Variants in CAP2 observed in about 807,000 individuals in gnomAD.
The protein encoded by CAP2 is cyclase associated actin cytoskeleton regulatory protein 2, also known as adenylyl cyclase-associated protein 2.
Under a neutral mutation model 57.7 loss-of-function variants are expected in CAP2, and 24 were observed. The ratio of observed to expected loss-of-function variants is 0.42; its 90% CI spans 0.30 to 0.58. The LOEUF (loss-of-function observed/expected upper bound fraction) is 0.58, where lower values mean the gene tolerates loss of function less well. Ranked by LOEUF, CAP2 falls within the 20% of genes least tolerant of loss-of-function variation. The probability of loss-of-function intolerance (pLI) is 0.22; values close to 1 mark genes in which losing one functional copy is unlikely to be tolerated. For missense variants in CAP2, 501 were observed against 590.3 expected (o/e 0.85, Z 1.57); for synonymous variants, 194 against 207.2 (o/e 0.94, Z 0.55).
intron 7 of CAP2, among the ~76,000 whole-genome samples, chr6:17,522,724 A>C (rs1295511473): frequency 6.6e-6 from 1 of 152,204 alleles, no homozygotes; most frequent in Non-Finnish European, 1.5e-5. Flanking sequence ...AGATGGTGAA[A>C]TCCTTATGCA....
intron 4 of CAP2, among the ~76,000 whole-genome samples, chr6:17,506,897 G>A (rs1762000740): frequency 6.6e-6 from 1 of 152,122 alleles, no homozygotes; most frequent in African/African-American, 2.4e-5. Flanking sequence ...CAAAATGGGG[G>A]CTGTGCCATA....
intron 4 of CAP2, among the ~76,000 whole-genome samples, chr6:17,502,736 C>A (rs1026020073): frequency 2.0e-5 from 3 of 152,126 alleles, no homozygotes; most frequent in African/African-American, 7.2e-5. Context: ...GGTTCTTTTT[C>A]CCCTTGGGGC....
chr6:17,509,233 AC>A (rs1157603387), intron 6 of CAP2, among the ~76,000 whole-genome samples: 1 of 152,168 alleles, frequency 6.6e-6, no homozygotes, highest in Non-Finnish European at 1.5e-5. Flanking sequence ...AATTTTCATC[AC>A]TTTTTTTGTA....
intron 4 of CAP2, among the ~76,000 whole-genome samples, chr6:17,500,241 T>G (rs1320847712): frequency 6.7e-6 from 1 of 149,380 alleles, no homozygotes; most frequent in African/African-American, 2.5e-5. Context: ...TTAACTCAGT[T>G]GAACATTTCT....
At chr6:17,452,666 A>T (rs1437777667) in intron 3 of CAP2, among the ~76,000 whole-genome samples, 1 of 152,362 alleles carries the variant, frequency 6.6e-6, no homozygotes. Context: ...GTATGTAGTT[A>T]GTATAAGCAT....
At chr6:17,436,026 A>G (rs1392014194) in intron 3 of CAP2, among the ~76,000 whole-genome samples, 1 of 152,202 alleles carries the variant, frequency 6.6e-6, no homozygotes, top group African/African-American at 2.4e-5. Context: ...TCTAAGGTTA[A>G]GATGACTAAA....
At chr6:17,492,254 G>A (rs1761562920) in intron 4 of CAP2, among the ~76,000 whole-genome samples, 1 of 152,122 alleles carries the variant, frequency 6.6e-6, no homozygotes, top group African/African-American at 2.4e-5. Context: ...CAGTGGTGGG[G>A]TGCATGTATT....
intron 8 of CAP2, among the ~76,000 whole-genome samples, chr6:17,540,722 C>G (rs1426303985): frequency 2.0e-5 from 3 of 152,128 alleles, no homozygotes; most frequent in Non-Finnish European, 2.9e-5. Flanking sequence ...CCACTGCACT[C>G]CAGCCTAGGT....
intron 7 of CAP2, chr6:17,531,156 AT>A: frequency 1.3e-6 from 1 of 764,350 alleles, no homozygotes; most frequent in Non-Finnish European, 2.4e-6. Flanking sequence ...CTTCTTACTG[AT>A]TTTGCCATAA....
chr6:17,486,996 A>T (rs1761435439), intron 4 of CAP2, among the ~76,000 whole-genome samples: 1 of 152,216 alleles, frequency 6.6e-6, no homozygotes, highest in Admixed American at 6.5e-5. Context: ...AGGCAGTTGC[A>T]GTTTTAATAG....
chr6:17,519,400 G>C (rs12524148), intron 7 of CAP2, among the ~76,000 whole-genome samples: 3 of 152,008 alleles, frequency 2.0e-5, no homozygotes, highest in Non-Finnish European at 4.4e-5. Flanking sequence ...AATCTGTCTG[G>C]AATGTCTTCT....
Position 17,421,545 on chromosome 6 carries a change from GC to G in CAP2, c.-1-9del. 6.2e-7 allele frequency: 1 copy of G among 1,614,154 alleles called. No homozygotes were observed. ...TCACGCAGCCTCCATTTGTGCCTGTGCTTTTCTAGAATGGCCAACATGCAGG... is the reference window on the plus strand; with the variant it reads ...TCACGCAGCCTCCATTTGTGCCTGTGTTTTCTAGAATGGCCAACATGCAGG... On this transcript the variant is annotated splice_polypyrimidine_tract_variant and intron_variant, in intron 1 of 12. Transcript: ENST00000229922.
intron 4 of CAP2, among the ~76,000 whole-genome samples, chr6:17,480,867 T>C (rs1049456034): frequency 4.0e-5 from 6 of 149,432 alleles, no homozygotes; most frequent in Non-Finnish European, 8.9e-5. Flanking sequence ...CTCCGCCTCC[T>C]GATTTCAAGT....
chr6:17,396,006 T>G (rs776763484), intron 1 of CAP2, among the ~76,000 whole-genome samples: 9 of 152,192 alleles, frequency 5.9e-5, no homozygotes, highest in Non-Finnish European at 1.2e-4. Flanking sequence ...TCTGAATAGC[T>G]ATCTCCAAAG....
chr6:17,421,425 TTAAAAAA>T, intron 1 of CAP2, 123 bp from the exon 2 acceptor site: 2 of 923,160 alleles, frequency 2.2e-6, no homozygotes, highest in Non-Finnish European at 1.7e-6. Flanking sequence ...AATTTCATGG[TTAAAAAA>T]TAAAAATAAA....
intron 4 of CAP2, among the ~76,000 whole-genome samples, chr6:17,479,198 C>CACACACACCTGTACGTGTGTGT (rs1761226631): frequency 6.6e-6 from 1 of 152,164 alleles, no homozygotes; most frequent in African/African-American, 2.4e-5. Flanking sequence ...GTCTGTACCA[C>CACACACACCTGTACGTGTGTGT]ACACACACCT....
intron 2 of CAP2, among the ~76,000 whole-genome samples, chr6:17,422,027 T>C (rs1487367269): frequency 2.6e-5 from 4 of 151,856 alleles, no homozygotes; most frequent in African/African-American, 9.7e-5. Flanking sequence ...GGATTACAGG[T>C]GTGAGCCACT....
At chr6:17,479,851 G>A (rs934691896) in intron 4 of CAP2, among the ~76,000 whole-genome samples, 5 of 151,808 alleles carry the variant, frequency 3.3e-5, no homozygotes, top group Admixed American at 2.0e-4. Context: ...TCCTGACCTC[G>A]TGATCCGCCC....
At chr6:17,506,029 G>A (rs1226761745) in intron 4 of CAP2, among the ~76,000 whole-genome samples, 1 of 152,036 alleles carries the variant, frequency 6.6e-6, no homozygotes, top group East Asian at 1.9e-4. Context: ...TGAGTAGCTG[G>A]AACTACAGGA....
Sources: allele counts gnomAD v4.1 joint callset (sites outside exome capture counted in the v4.1 genomes callset), GRCh38; gene constraint gnomAD v4.1.1; transcripts MANE v1.5; gene names NCBI Gene and HGNC (gene_info 2026-07-23, HGNC 2026-07-21).